The following SPTBN1 variants were observed in gnomAD, a reference collection of about 807,000 sequenced individuals.
SPTBN1 encodes the protein spectrin beta chain, non-erythrocytic 1.
A neutral mutation model predicts 266.4 loss-of-function variants in SPTBN1; 32 were observed. The ratio of observed to expected loss-of-function variants is 0.12; its 90% CI spans 0.09 to 0.16. The LOEUF is 0.16. SPTBN1 is among the 10% of genes least tolerant of loss of function. The pLI is 1.00. For missense variants in SPTBN1, 2,296 were observed against 3,067.1 expected (o/e 0.75, Z 5.94); for synonymous variants, 1,336 against 1,162.2 (o/e 1.15, Z -3.04).
Position 54,644,564 on chromosome 2 carries a change from A to G in SPTBN1, c.4247A>G (p.Asn1416Ser), listed in dbSNP as rs770880723. The G allele has an allele frequency of 1.1e-5, 18 of 1,605,476 alleles. No individual in the cohort carries two copies. In the East Asian group the frequency reaches 1.6e-4, roughly 14 times the overall value. The change falls in exon 20 of 36, where the codon AAT (asparagine) becomes AGT (serine). Residue 1416 changes from asparagine to serine, a missense_variant. By Grantham distance (46) the Asn-to-Ser change is conservative (BLOSUM62 1). Around this residue, in one of 12 missense-constraint regions of SPTBN1, gnomAD observed 386 missense variants for 486.1 expected, o/e 0.79. Transcript: ENST00000356805. Reference protein sequence around the residue: ...DDYGKDLTSVNILLKKQQMLE... With the variant: ...DDYGKDLTSVSILLKKQQMLE... ...TATGGCAAAGACCTGACCAGTGTCA[A>G]TATCCTGCTGAAAAAGCAACAGGCA...
chr2:54,513,186 G>C (rs983197450), intron 1 of SPTBN1, among the ~76,000 whole-genome samples: 1 of 152,150 alleles, frequency 6.6e-6, no homozygotes, highest in Non-Finnish European at 1.5e-5. Flanking sequence ...AAACAAGCAA[G>C]CAAACAAAAA....
At chr2:54,568,363 A>G (rs1673815738) in intron 2 of SPTBN1, among the ~76,000 whole-genome samples, 1 of 151,072 alleles carries the variant, frequency 6.6e-6, no homozygotes, top group Non-Finnish European at 1.5e-5. Flanking sequence ...AAAAAAAAAA[A>G]AAAAAAAAAG....
At position 54,649,493 on chromosome 2, in the gene SPTBN1, G is replaced by A; in HGVS notation, c.5203-122G>A. 1 of 1,410,842 alleles carries A rather than the reference G, an allele frequency of 7.1e-7. No individual in the cohort carries two copies. Among genetic ancestry groups the A allele is most frequent in the Non-Finnish European group, 9.5e-7 (1 of 1,056,600 alleles). The allele number at this position is 1,410,842 out of a possible 1,614,324, so 87.4% of individuals were successfully genotyped here. ...TCGAGCTAAGATCTATTGTTCTGAA[G>A]TCATGAGTATTATTGGCTACATCTT... On this transcript the variant is annotated intron_variant, in intron 25 of 35. Transcript: ENST00000356805. The surrounding 1 kb of genome is among the most constrained non-coding windows in gnomAD (Gnocchi z 6.7).
Position 54,628,197 on chromosome 2 carries a change from A to G in SPTBN1, c.1745A>G (p.Glu582Gly). The G allele has an allele frequency of 6.2e-7, 1 of 1,614,144 alleles. No homozygotes were observed. Among genetic ancestry groups the G allele is most frequent in the Non-Finnish European group, 8.5e-7 (1 of 1,180,002 alleles). ...LVEADIGIQA[E>G]RVRGVNASAQ... is the part of the protein sequence containing the mutation. ...GAAGCAGACATTGGCATCCAGGCAGAGCGGGTGAGAGGTGTCAATGCCTCC... is the reference window on the plus strand; with the variant it reads ...GAAGCAGACATTGGCATCCAGGCAGGGCGGGTGAGAGGTGTCAATGCCTCC... Residue 582 changes from glutamate (E) to glycine (G), a missense_variant, in exon 13 of 36, where the codon GAG becomes GGG. Around this residue, in one of 12 missense-constraint regions of SPTBN1, gnomAD observed 434 missense variants for 573.9 expected, o/e 0.76. Coordinates refer to ENST00000356805, the MANE Select transcript of SPTBN1 (RefSeq NM_003128.3). This position sits in a 1 kb window ranked among gnomAD's most constrained non-coding sequence, Gnocchi z 4.3.
In SPTBN1 at chr2:54,626,306, T is replaced by C; in HGVS notation, c.1644+72T>C. On this transcript the variant is annotated intron_variant, in intron 12 of 35. Transcript: ENST00000356805. This position sits in a 1 kb window ranked among gnomAD's most constrained non-coding sequence, Gnocchi z 4.7. ...GCTCTCTTTTCTGTGACTCATTCAC[T>C]AAACCCCTACGTACAGCTGTGTGCC... 6.6e-7 allele frequency: 1 copy of C among 1,513,722 alleles called. No homozygotes were observed. Among genetic ancestry groups the C allele is most frequent in the Non-Finnish European group, 8.9e-7 (1 of 1,124,640 alleles). 93.8% of individuals were successfully genotyped at this position (1,513,722 alleles called of 1,614,324 possible).
intron 2 of SPTBN1, among the ~76,000 whole-genome samples, chr2:54,563,585 A>T (rs1673463940): frequency 6.7e-6 from 1 of 149,730 alleles, no homozygotes; most frequent in Non-Finnish European, 1.5e-5. Context: ...TCATGAAGAA[A>T]ATTTATTCTT....
intron 17 of SPTBN1, among the ~76,000 whole-genome samples, chr2:54,636,475 G>T (rs534908429): frequency 6.6e-6 from 1 of 152,302 alleles, no homozygotes; most frequent in South Asian, 2.1e-4. Flanking sequence ...TCTCCAGGCA[G>T]ACAATGGCTA....
chr2:54,632,486 TATGTTGCACGGAA>T, intron 16 of SPTBN1, 67 bp from the exon 17 acceptor site: 1 of 1,379,696 alleles, frequency 7.2e-7, no homozygotes, highest in Non-Finnish European at 1.0e-6. Context: ...TGTTGTGAAC[TATGTTGCACGGAA>T]ATGTAGAACA....
chr2:54,612,932 A>G (rs887716518), intron 4 of SPTBN1, among the ~76,000 whole-genome samples: 5 of 152,206 alleles, frequency 3.3e-5, no homozygotes, highest in East Asian at 1.9e-4. Flanking sequence ...CTCTAAGTAT[A>G]GAAGTATTTT....
rs763025169 is a variant in SPTBN1 at position 54,653,880 on chromosome 2, G to A, written c.5822+27G>A. 3.1e-5 allele frequency: 50 copies of A among 1,596,078 alleles called. No homozygotes were observed. Among genetic ancestry groups the A allele is most frequent in the Non-Finnish European group, 3.7e-5 (43 of 1,175,726 alleles). Reference sequence around the variant, plus strand: ...TAACGCTTTCAGCCCAAAGGAAATTGGACTTATTGGCGCTTGGTTAAAACA... The same window carrying A: ...TAACGCTTTCAGCCCAAAGGAAATTAGACTTATTGGCGCTTGGTTAAAACA... On this transcript the variant is annotated intron_variant, in intron 27 of 35. Transcript: ENST00000356805. This position sits in a 1 kb window ranked among gnomAD's most constrained non-coding sequence, Gnocchi z 5.1.
chr2:54,668,280 C>G (rs369061454), intron 35 of SPTBN1, 71 bp from the exon 36 acceptor site: 2 of 1,514,398 alleles, frequency 1.3e-6, no homozygotes, highest in African/African-American at 2.7e-5. Flanking sequence ...GCGCCATTCC[C>G]AAGCCTTGGA....
chr2:54,559,856 A>G (rs897948466), intron 2 of SPTBN1, among the ~76,000 whole-genome samples: 3 of 152,264 alleles, frequency 2.0e-5, no homozygotes, highest in East Asian at 1.9e-4. Context: ...TCCTGTGAGG[A>G]GGAGGAAGGA....
chr2:54,591,035 C>T (rs1347878930), intron 2 of SPTBN1, among the ~76,000 whole-genome samples: 6 of 152,170 alleles, frequency 3.9e-5, no homozygotes, highest in East Asian at 1.9e-4. Flanking sequence ...GTTCAAAACA[C>T]GCAAAAATAG....
intron 2 of SPTBN1, among the ~76,000 whole-genome samples, chr2:54,555,668 C>G (rs1182454887): frequency 3.3e-5 from 5 of 152,168 alleles, no homozygotes; most frequent in Admixed American, 2.0e-4. Flanking sequence ...TCCAGTGGCT[C>G]CAGACCAGGC....
intron 1 of SPTBN1, chr2:54,520,248 A>G (rs944487606): frequency 2.6e-5 from 4 of 152,246 alleles, no homozygotes; most frequent in Non-Finnish European, 5.9e-5. Flanking sequence ...GAGAACAGGT[A>G]AAGTATTTTC....
At chr2:54,490,872 A>T (rs1573259721) in intron 1 of SPTBN1, among the ~76,000 whole-genome samples, 1 of 152,034 alleles carries the variant, frequency 6.6e-6, no homozygotes, top group South Asian at 2.1e-4. Context: ...TGTTTTGAGG[A>T]CCTCTTCTGC....
At position 54,667,711 on chromosome 2, in the gene SPTBN1, G is replaced by C. The variant is rs541067807; in HGVS notation, c.6876+65G>C. 2,613 of 1,411,564 alleles carry C rather than the reference G, an allele frequency of 1.9e-3. 5 individuals are homozygous for C. The highest frequency in any genetic ancestry group is 2.4e-3 in the Non-Finnish European group (2,407 of 1,000,006). The allele number at this position is 1,411,564 out of a possible 1,614,324, so 87.4% of individuals were successfully genotyped here. On this transcript the variant is annotated intron_variant, in intron 35 of 35. Transcript: ENST00000356805. ...TTTGCAAGTGTTTGTGTGATGATGG[G>C]CTTTATTCAGAAAGTTCTTCATGTA...
intron 3 of SPTBN1, among the ~76,000 whole-genome samples, chr2:54,609,942 A>G (rs369434852): frequency 7.1e-4 from 108 of 151,770 alleles, no homozygotes; most frequent in African/African-American, 2.5e-3. Flanking sequence ...ACCCAGCTGC[A>G]TTTGCACAGA....
intron 2 of SPTBN1, among the ~76,000 whole-genome samples, chr2:54,556,373 C>T (rs1672876668): frequency 6.6e-6 from 1 of 152,206 alleles, no homozygotes. Flanking sequence ...ACGTTCGTCC[C>T]AGCTCTACTG....
Sources: gnomAD v4.1 joint callset for allele counts (sites outside exome capture counted in the v4.1 genomes callset) on GRCh38, gnomAD v4.1.1 for gene constraint, gnomAD v4.1.1 regional missense constraint, Gnocchi (gnomAD v3.1) non-coding constraint, MANE v1.5 for transcripts, NCBI Gene and HGNC (gene_info 2026-07-23, HGNC 2026-07-21) for gene names.